CDH12: variants seen among roughly 807,000 people sequenced by gnomAD.
CDH12 encodes the protein cadherin-12.
In CDH12, 41 loss-of-function variants were observed where a neutral mutation model predicts 74.1. The ratio of observed to expected loss-of-function variants is 0.55; its 90% CI spans 0.43 to 0.72. CDH12 has a LOEUF of 0.72. Ranked by LOEUF, CDH12 falls within the 30% of genes least tolerant of loss-of-function variation. The pLI, the probability that CDH12 is intolerant of heterozygous loss-of-function variation, is 0.00. For synonymous variants in CDH12, 399 were observed against 355.0 expected (o/e 1.12, Z -1.39); for missense variants, 945 against 977.2 (o/e 0.97, Z 0.44).
At chr5:22,699,924 C>A (rs113048644) in intron 1 of CDH12, among the ~76,000 whole-genome samples, 1 of 152,136 alleles carries the variant, frequency 6.6e-6, no homozygotes, top group Admixed American at 6.5e-5. Flanking sequence ...CCTGTAATCC[C>A]AGCACTTTGA....
chr5:22,228,830 A>T (rs1752283891), intron 3 of CDH12, among the ~76,000 whole-genome samples: 1 of 152,176 alleles, frequency 6.6e-6, no homozygotes, highest in African/African-American at 2.4e-5. Context: ...TCTAATTAAA[A>T]TTATAGCCTC....
At chr5:22,834,155 G>A (rs1736727643) in intron 1 of CDH12, among the ~76,000 whole-genome samples, 1 of 152,088 alleles carries the variant, frequency 6.6e-6, no homozygotes, top group Non-Finnish European at 1.5e-5. Context: ...TTTTCCTCTG[G>A]AATAGGTGAG....
chr5:21,809,226 G>A (rs981044220), intron 9 of CDH12, among the ~76,000 whole-genome samples: 1 of 151,670 alleles, frequency 6.6e-6, no homozygotes, highest in African/African-American at 2.4e-5. Flanking sequence ...GTATTTTAGC[G>A]GTAATTTTTG....
chr5:21,868,600 G>A (rs1751456210), intron 6 of CDH12, among the ~76,000 whole-genome samples: 1 of 152,138 alleles, frequency 6.6e-6, no homozygotes, highest in South Asian at 2.1e-4. Context: ...TTGGGCTTTG[G>A]ACTTACTTGA....
intron 6 of CDH12, among the ~76,000 whole-genome samples, chr5:21,946,176 T>C (rs1580001238): frequency 6.6e-6 from 1 of 152,082 alleles, no homozygotes; most frequent in African/African-American, 2.4e-5. Flanking sequence ...ATAATATTCT[T>C]CAGGCATTAA....
chr5:21,839,108 C>T (rs1749698632), intron 8 of CDH12, among the ~76,000 whole-genome samples: 1 of 152,162 alleles, frequency 6.6e-6, no homozygotes. Context: ...TCCTCCTCAA[C>T]TAGCTATTAC....
In CDH12 at chr5:22,672,833, T is replaced by C. The variant is rs540363157; in HGVS notation, c.-522-167469A>G. Reference sequence around the variant, plus strand: ...CCTCTATTCTCTTATTGAAATACAATGTAATTGTATGTTCTATTTCTAAGC... The same window carrying C: ...CCTCTATTCTCTTATTGAAATACAACGTAATTGTATGTTCTATTTCTAAGC... On this transcript the variant is annotated intron_variant, in intron 1 of 14. Transcript: ENST00000382254. Among the ~76,000 whole-genome samples, 172 of 152,288 alleles carry C rather than the reference T, an allele frequency of 1.1e-3. 3 individuals are homozygous for C. The highest frequency in any genetic ancestry group is 0.011 in the Admixed American group (163 of 15,296).
At chr5:22,324,105 C>T (rs1422212117) in intron 3 of CDH12, among the ~76,000 whole-genome samples, 2 of 152,106 alleles carry the variant, frequency 1.3e-5, no homozygotes, top group African/African-American at 4.8e-5. Flanking sequence ...GAACAAAATT[C>T]ACAATGATTA....
intron 3 of CDH12, among the ~76,000 whole-genome samples, chr5:22,284,533 C>T (rs1415720097): frequency 6.6e-6 from 1 of 152,134 alleles, no homozygotes; most frequent in East Asian, 1.9e-4. Context: ...AATTTCCTGC[C>T]ATGTGGGCTC....
At chr5:21,770,072 G>T (rs1745237415) in intron 11 of CDH12, among the ~76,000 whole-genome samples, 1 of 152,150 alleles carries the variant, frequency 6.6e-6, no homozygotes, top group South Asian at 2.1e-4. Flanking sequence ...TGATGATCAA[G>T]TATCCTCACT....
chr5:22,424,048 G>GAAAA (rs1208254020), intron 2 of CDH12, among the ~76,000 whole-genome samples: 3 of 104,826 alleles, frequency 2.9e-5, no homozygotes, highest in African/African-American at 6.9e-5. Context: ...GAAAAAGAAA[G>GAAAA]AAAAAAAAAA....
At position 22,422,114 on chromosome 5, in the gene CDH12, G is replaced by A. The variant is rs1485412275; in HGVS notation, c.-427-16763C>T. Among the ~76,000 whole-genome samples the A allele has an allele frequency of 3.3e-5, 5 of 151,974 alleles. No individual in the cohort carries two copies. The South Asian group carries it at 6.2e-4, about 19-fold the overall frequency. The stretch of plus-strand genomic sequence containing the variant: ...CCATGGCCAGAGCTTCTAATACTAC[G>A]GTGAATAGGAGTGGTGAGAGAGGGC... On this transcript the variant is annotated intron_variant, in intron 2 of 14. Coordinates refer to ENST00000382254, the MANE Select transcript of CDH12 (RefSeq NM_004061.5).
At chr5:22,480,663 T>G (rs924271137) in intron 2 of CDH12, among the ~76,000 whole-genome samples, 6 of 152,072 alleles carry the variant, frequency 3.9e-5, no homozygotes, top group Non-Finnish European at 5.9e-5. Flanking sequence ...GTGCACAATC[T>G]TAACCCTAAC....
chr5:22,118,225 C>T (rs1745285464), intron 4 of CDH12, among the ~76,000 whole-genome samples: 1 of 152,154 alleles, frequency 6.6e-6, no homozygotes, highest in Non-Finnish European at 1.5e-5. Flanking sequence ...GATTGCTATT[C>T]ATGTGGATGG....
Position 22,666,282 on chromosome 5 carries a change from C to CTT in CDH12, c.-522-160920_-522-160919dup, listed in dbSNP as rs1161509257. On this transcript the variant is annotated intron_variant, in intron 1 of 14. Coordinates refer to ENST00000382254, the MANE Select transcript of CDH12 (RefSeq NM_004061.5). ...TTATGGGATTTCTGTATCTCTCTAT[C>CTT]TTTTTTTTTTTTTTTTTTTGTTTTT... 6.5e-3 allele frequency among the ~76,000 whole-genome samples: 546 copies of CTT among 83,490 alleles called. 22 individuals carry two copies. The highest frequency in any genetic ancestry group is 7.8e-3 in the South Asian group (17 of 2,166). 54.8% of individuals were successfully genotyped at this position (83,490 alleles called of 152,430 possible).
intron 1 of CDH12, among the ~76,000 whole-genome samples, chr5:22,776,211 T>C (rs1485535629): frequency 2.6e-5 from 4 of 152,138 alleles, no homozygotes; most frequent in Non-Finnish European, 4.4e-5. Context: ...ACTAATTACA[T>C]AGTAAACTTG....
At chr5:22,644,882 A>G (rs1739355366) in intron 1 of CDH12, among the ~76,000 whole-genome samples, 1 of 151,930 alleles carries the variant, frequency 6.6e-6, no homozygotes, top group Non-Finnish European at 1.5e-5. Flanking sequence ...TTTTAATTCT[A>G]CTCTGTGCTC....
chr5:22,601,176 CTA>C (rs1022779135), intron 1 of CDH12, among the ~76,000 whole-genome samples: 2 of 151,824 alleles, frequency 1.3e-5, no homozygotes, highest in African/African-American at 4.8e-5. Context: ...CCATATGATC[CTA>C]TGTTTTCTTA....
intron 3 of CDH12, among the ~76,000 whole-genome samples, chr5:22,353,721 A>G (rs1469771869): frequency 1.3e-5 from 2 of 152,052 alleles, no homozygotes; most frequent in Non-Finnish European, 2.9e-5. Context: ...TTTGGTCATT[A>G]TTTCTGTATT....
Sources: allele counts gnomAD v4.1 joint callset (sites outside exome capture counted in the v4.1 genomes callset), GRCh38; gene constraint gnomAD v4.1.1; transcripts MANE v1.5; gene names NCBI Gene and HGNC (gene_info 2026-07-23, HGNC 2026-07-21).